Variants in ABCC4 observed in about 807,000 individuals in gnomAD.
ABCC4 encodes the protein ATP-binding cassette sub-family C member 4.
ABCC4 carries 102 observed loss-of-function variants against 168.5 expected under a neutral mutation model. The observed-to-expected ratio is 0.61, with a 90% CI of 0.52 to 0.71. The LOEUF (loss-of-function observed/expected upper bound fraction) is 0.71, where lower values mean the gene tolerates loss of function less well. Among genes scored for constraint, ABCC4 ranks in the 30% least tolerant of loss-of-function variants. The pLI, the probability that ABCC4 is intolerant of heterozygous loss-of-function variation, is 0.00. For synonymous variants in ABCC4, 617 were observed against 590.7 expected (o/e 1.04, Z -0.65); for missense variants, 1,402 against 1,605.8 (o/e 0.87, Z 2.17).
chr13:95,192,147 T>G (rs1182411037), intron 9 of ABCC4, among the ~76,000 whole-genome samples: 3 of 152,206 alleles, frequency 2.0e-5, no homozygotes, highest in African/African-American at 7.2e-5. Flanking sequence ...AGCCCCTGTT[T>G]TATAAATGAG....
At chr13:95,213,299 C>T (rs1215825525) in intron 4 of ABCC4, among the ~76,000 whole-genome samples, 10 of 152,158 alleles carry the variant, frequency 6.6e-5, no homozygotes, top group African/African-American at 9.7e-5. Flanking sequence ...CCTCAAGAGA[C>T]GGGAAATGTA....
chr13:95,159,982 A>G (rs1331417564), intron 19 of ABCC4, among the ~76,000 whole-genome samples: 2 of 152,228 alleles, frequency 1.3e-5, no homozygotes, highest in Admixed American at 6.5e-5. Flanking sequence ...TTCATGTGCT[A>G]GGAATGTATT....
rs2040121597 is a variant in ABCC4 at position 95,246,979 on chromosome 13, A to G, written c.302T>C (p.Ile101Thr). The change falls in exon 3 of 31, where the codon ATT (isoleucine) becomes ACT (threonine). Residue 101 changes from isoleucine (I) to threonine (T), a missense_variant. Physicochemically the swap from Ile to Thr is moderately conservative, Grantham distance 89. Coordinates refer to ENST00000645237, the MANE Select transcript of ABCC4 (RefSeq NM_005845.5). ...SYLVLGIFTL[I>T]EESAKVIQPI... ...ATGGTATGTAAAAGCTTTTACCTCA[A>G]TTAACGTAAAAATTCCCAAAACTAA... The G allele has an allele frequency of 6.2e-7, 1 of 1,611,600 alleles. No homozygotes were observed. The highest frequency in any genetic ancestry group is 1.7e-5 in the Admixed American group (1 of 59,554).
At chr13:95,250,974 G>C (rs1170082980) in intron 1 of ABCC4, among the ~76,000 whole-genome samples, 2 of 151,976 alleles carry the variant, frequency 1.3e-5, no homozygotes, top group African/African-American at 2.4e-5. Context: ...TTTTGATAGA[G>C]ACCAGGTCTC....
intron 8 of ABCC4, among the ~76,000 whole-genome samples, chr13:95,197,768 T>C (rs942008731): frequency 2.5e-4 from 38 of 152,214 alleles, no homozygotes; most frequent in African/African-American, 8.2e-4. Context: ...GTGGAAGTCA[T>C]TGAAGACTTT....
At chr13:95,171,194 C>T (rs949399190) in intron 13 of ABCC4, among the ~76,000 whole-genome samples, 1 of 151,386 alleles carries the variant, frequency 6.6e-6, no homozygotes, top group Admixed American at 6.6e-5. Flanking sequence ...TTGGTCTCAT[C>T]CAGGAAGCAA....
intron 1 of ABCC4, among the ~76,000 whole-genome samples, chr13:95,251,358 G>C (rs1188171585): frequency 6.6e-6 from 1 of 151,610 alleles, no homozygotes; most frequent in Non-Finnish European, 1.5e-5. Flanking sequence ...TGACCTTTCT[G>C]TAACAACTGG....
At chr13:95,073,352 A>C in intron 23 of ABCC4, 48 bp from the exon 24 acceptor site, 2 of 1,446,096 alleles carry the variant, frequency 1.4e-6, no homozygotes, top group Non-Finnish European at 1.9e-6. Flanking sequence ...CTTCAAACCT[A>C]AGCCTGGCTC....
At chr13:95,025,356 CCA>C (rs2031448922) in intron 30 of ABCC4, among the ~76,000 whole-genome samples, 1 of 19,960 alleles carries the variant, frequency 5.0e-5, no homozygotes, top group Non-Finnish European at 1.1e-4. Flanking sequence ...ACCCACACCC[CCA>C]CACACACCCA....
Position 95,053,086 on chromosome 13 carries a change from A to G in ABCC4, c.3456+9T>C. 1 of 1,605,430 alleles carries G rather than the reference A, an allele frequency of 6.2e-7. No homozygotes were observed. Among genetic ancestry groups the G allele is most frequent in the Non-Finnish European group, 8.5e-7 (1 of 1,172,026 alleles). On this transcript the variant is annotated intron_variant, in intron 27 of 30. Transcript: ENST00000645237. Reference sequence around the variant, plus strand: ...AACAGACTAAAGATAATTACATTTTATCAATTACCTCTTGTAAGGCATTCC... The same window carrying G: ...AACAGACTAAAGATAATTACATTTTGTCAATTACCTCTTGTAAGGCATTCC...
At chr13:95,146,341 C>T (rs1015219715) in intron 19 of ABCC4, among the ~76,000 whole-genome samples, 1 of 152,048 alleles carries the variant, frequency 6.6e-6, no homozygotes, top group African/African-American at 2.4e-5. Flanking sequence ...ATCTGTATAC[C>T]AAACCCTCCA....
intron 25 of ABCC4, among the ~76,000 whole-genome samples, chr13:95,070,017 C>T (rs554146646): frequency 3.3e-5 from 5 of 152,120 alleles, no homozygotes; most frequent in African/African-American, 9.6e-5. Flanking sequence ...TTAAGGTGGG[C>T]GGATCACTTT....
Position 95,230,270 on chromosome 13 carries a change from G to A in ABCC4, c.531+4340C>T, listed in dbSNP as rs17300865. Among the ~76,000 whole-genome samples the A allele has an allele frequency of 0.016, 2,369 of 152,194 alleles. 134 individuals carry two copies. In the East Asian group the frequency reaches 0.19, roughly 12 times the overall value. ...GAACCATTTCAACAGACCACCCTTG[G>A]AGCCATCAATCCAAATTAAAGCTAG... On this transcript the variant is annotated intron_variant, in intron 4 of 30. Transcript: ENST00000645237.
At chr13:95,193,017 C>T (rs1325194570) in intron 9 of ABCC4, among the ~76,000 whole-genome samples, 3 of 152,130 alleles carry the variant, frequency 2.0e-5, no homozygotes, top group African/African-American at 7.2e-5. Flanking sequence ...GCACAAGATG[C>T]GATGATGTTC....
intron 25 of ABCC4, among the ~76,000 whole-genome samples, chr13:95,069,042 T>G (rs1350038384): frequency 1.3e-5 from 2 of 152,230 alleles, no homozygotes; most frequent in African/African-American, 4.8e-5. Flanking sequence ...CCTGGGTATC[T>G]TCTGGGCATG....
At chr13:95,075,591 G>A (rs374754998) in intron 21 of ABCC4, 40 bp from the exon 22 acceptor site, 2 of 1,612,006 alleles carry the variant, frequency 1.2e-6, no homozygotes, top group Non-Finnish European at 1.7e-6. Flanking sequence ...GTGAGGCTGG[G>A]TGCAGAAAAA....
chr13:95,121,432 T>TG (rs2035566937), intron 19 of ABCC4, among the ~76,000 whole-genome samples: 1 of 85,460 alleles, frequency 1.2e-5, no homozygotes, highest in Non-Finnish European at 2.5e-5. Flanking sequence ...TTTTTTTTTG[T>TG]TTTTTTTTTT....
intron 27 of ABCC4, among the ~76,000 whole-genome samples, chr13:95,052,436 AC>A (rs1418092365): frequency 6.6e-6 from 1 of 152,170 alleles, no homozygotes; most frequent in East Asian, 1.9e-4. Context: ...AACCAACAGC[AC>A]CTTAATAGTC....
chr13:95,177,752 G>A lies in ABCC4; in HGVS notation c.1682C>T (p.Pro561Leu), dbSNP rs1339319165. 1.9e-6 allele frequency: 3 copies of A among 1,611,776 alleles called. No individual in the cohort carries two copies. Among genetic ancestry groups the A allele is most frequent in the Admixed American group, 3.3e-5 (2 of 59,950 alleles). The change falls in exon 13 of 31, where the codon CCT becomes CTT. Residue 561 changes from proline (P) to leucine (L), a missense_variant. By Grantham distance (98) the Pro-to-Leu change is moderately conservative (BLOSUM62 -3). Around this residue, in one of 3 missense-constraint regions of ABCC4, gnomAD observed 1,007 missense variants for 1,127.3 expected, o/e 0.89. Transcript: ENST00000645237. ...QDADIYLLDD[P>L]LSAVDAEVSR... ...AACTTCCGCATCTACTGCACTGAGA[G>A]GATCGTCCAGGAGATAGATGTCAGC...
Sources: allele counts gnomAD v4.1 joint callset (sites outside exome capture counted in the v4.1 genomes callset), GRCh38; gene constraint gnomAD v4.1.1; regional missense constraint gnomAD v4.1.1; transcripts MANE v1.5; gene names NCBI Gene and HGNC (gene_info 2026-07-23, HGNC 2026-07-21).